The following RBFOX1 variants were observed in gnomAD, a reference collection of about 807,000 sequenced individuals.
RBFOX1 encodes the protein RNA binding fox-1 homolog 1, also known as RNA binding protein fox-1 homolog 1.
RBFOX1 carries 8 observed loss-of-function variants against 57.7 expected under a neutral mutation model. The observed-to-expected ratio is 0.14, with a 90% CI of 0.08 to 0.25. The LOEUF is 0.25. RBFOX1 is among the 10% of genes least tolerant of loss of function. RBFOX1 has a pLI of 1.00. For missense variants in RBFOX1, 611 were observed against 548.5 expected (o/e 1.11, Z -1.14); for synonymous variants, 326 against 222.4 (o/e 1.47, Z -4.15).
At chr16:5,392,815 A>C (rs1016106373) in intron 1 of RBFOX1, among the ~76,000 whole-genome samples, 6 of 152,160 alleles carry the variant, frequency 3.9e-5, no homozygotes, top group African/African-American at 1.4e-4. Flanking sequence ...CCCTGTGGGC[A>C]GCAGGAGCAC....
At chr16:6,817,532 T>TAAA (rs71145302) in intron 3 of RBFOX1, among the ~76,000 whole-genome samples, 1 of 127,586 alleles carries the variant, frequency 7.8e-6, no homozygotes, top group Non-Finnish European at 1.6e-5. Flanking sequence ...TTTCTTTGCT[T>TAAA]AAAAAAAAAA....
At chr16:6,289,776 A>G (rs979791503) in intron 1 of RBFOX1, among the ~76,000 whole-genome samples, 2 of 152,194 alleles carry the variant, frequency 1.3e-5, no homozygotes, top group African/African-American at 2.4e-5. Flanking sequence ...AAATAATGCA[A>G]ATGTCTTCTG....
intron 3 of RBFOX1, among the ~76,000 whole-genome samples, chr16:6,876,112 G>T (rs2061798588): frequency 6.6e-6 from 1 of 152,108 alleles, no homozygotes; most frequent in Non-Finnish European, 1.5e-5. Context: ...GAACCCCGGA[G>T]ATTGAGGCTG....
chr16:6,192,573 C>A (rs924317623), intron 1 of RBFOX1, among the ~76,000 whole-genome samples: 1 of 152,122 alleles, frequency 6.6e-6, no homozygotes, highest in African/African-American at 2.4e-5. Flanking sequence ...CACTAAGCAT[C>A]TTCTTATAAT....
intron 3 of RBFOX1, among the ~76,000 whole-genome samples, chr16:6,725,181 A>G (rs1047155984): frequency 4.9e-4 from 73 of 150,430 alleles, no homozygotes; most frequent in African/African-American, 1.6e-3. Context: ...CTCCCGAGTA[A>G]CTGGGACTGC....
chr16:5,323,494 A>G (rs2151255519), intron 1 of RBFOX1, among the ~76,000 whole-genome samples: 1 of 152,364 alleles, frequency 6.6e-6, no homozygotes, highest in African/African-American at 2.4e-5. Context: ...CTGGCCCTGC[A>G]TCAGCGGCCT....
chr16:6,302,741 C>A (rs1417745988), intron 1 of RBFOX1, among the ~76,000 whole-genome samples: 1 of 151,900 alleles, frequency 6.6e-6, no homozygotes, highest in Non-Finnish European at 1.5e-5. Flanking sequence ...AGACTGAGGC[C>A]CAGAGAGAGT....
chr16:7,217,033 C>A (rs1301298376), intron 4 of RBFOX1, among the ~76,000 whole-genome samples: 1 of 89,490 alleles, frequency 1.1e-5, no homozygotes, highest in Admixed American at 1.2e-4. Context: ...CCCTCCCTCC[C>A]TCCCTCCCTC....
chr16:6,914,969 CTAT>C (rs2072745090), intron 3 of RBFOX1, among the ~76,000 whole-genome samples: 1 of 152,196 alleles, frequency 6.6e-6, no homozygotes, highest in African/African-American at 2.4e-5. Flanking sequence ...TGCCTGCGTA[CTAT>C]TATTATTACA....
chr16:7,401,965 A>C (rs1331706327), intron 4 of RBFOX1, among the ~76,000 whole-genome samples: 1 of 152,220 alleles, frequency 6.6e-6, no homozygotes. Context: ...TGTTAATAAT[A>C]CATCAAGCAT....
intron 2 of RBFOX1, among the ~76,000 whole-genome samples, chr16:5,590,979 G>T (rs569000035): frequency 1.3e-5 from 2 of 151,658 alleles, no homozygotes; most frequent in African/African-American, 4.8e-5. Context: ...CGTCCAAAGC[G>T]ACCCCAAATT....
chr16:6,197,666 G>A (rs113912471), intron 1 of RBFOX1, among the ~76,000 whole-genome samples: 122 of 151,590 alleles, frequency 8.0e-4, no homozygotes, highest in Non-Finnish European at 1.6e-3. Context: ...TTAAGATTCA[G>A]GGGTTCATAT....
At chr16:6,206,874 C>G (rs2097258772) in intron 1 of RBFOX1, among the ~76,000 whole-genome samples, 1 of 152,072 alleles carries the variant, frequency 6.6e-6, no homozygotes, top group Admixed American at 6.6e-5. Flanking sequence ...ATTTTATCTC[C>G]CCTTTTCTGA....
chr16:5,576,365 C>G (rs1456458616), intron 2 of RBFOX1, among the ~76,000 whole-genome samples: 1 of 152,142 alleles, frequency 6.6e-6, no homozygotes, highest in East Asian at 1.9e-4. Flanking sequence ...CCTTCAGTCC[C>G]TCCCTACTTG....
intron 2 of RBFOX1, among the ~76,000 whole-genome samples, chr16:6,578,612 T>TGTGTGTGTGTGTGTGTGTGTGTGTGTGG (rs373655762): frequency 0.031 from 4,607 of 147,028 alleles, 183 homozygotes; most frequent in Non-Finnish European, 0.047. Flanking sequence ...TGTGTGTGTG[T>TGTGTGTGTGTGTGTGTGTGTGTGTGTGG]GAGCATGGGA....
intron 3 of RBFOX1, among the ~76,000 whole-genome samples, chr16:5,857,009 C>T (rs1313340689): frequency 6.6e-6 from 1 of 152,104 alleles, no homozygotes; most frequent in Non-Finnish European, 1.5e-5. Context: ...TTTGGCCTAT[C>T]TTTGCTTTTG....
chr16:6,763,309 A>C (rs1192644388), intron 3 of RBFOX1, among the ~76,000 whole-genome samples: 1 of 140,820 alleles, frequency 7.1e-6, no homozygotes, highest in Non-Finnish European at 1.5e-5. Context: ...AAAACCATTT[A>C]CCAGTATAGG....
intron 4 of RBFOX1, among the ~76,000 whole-genome samples, chr16:6,010,799 C>T (rs1032858141): frequency 6.6e-6 from 1 of 152,150 alleles, no homozygotes; most frequent in Non-Finnish European, 1.5e-5. Context: ...TTATATTGCC[C>T]TCATATTATC....
chr16:6,019,221 G>A lies in RBFOX1; in HGVS notation c.-898G>A. 1 of 985,194 alleles carries A rather than the reference G, an allele frequency of 1.0e-6. No homozygotes were observed. Among genetic ancestry groups the A allele is most frequent in the Non-Finnish European group, 1.2e-6 (1 of 830,004 alleles). The allele number at this position is 985,194 out of a possible 1,614,324, so 61.0% of individuals were successfully genotyped here. On this transcript the variant is annotated 5_prime_UTR_variant, in exon 1 of 16. Coordinates refer to ENST00000550418, the MANE Select transcript of RBFOX1 (RefSeq NM_018723.4). This position sits in a 1 kb window ranked among gnomAD's most constrained non-coding sequence, Gnocchi z 4.2. ...CCGCCCTCCTACAAGCGCTCTTGCT[G>A]GCCGTCTGGGTGCACACACCGCTCC... is the stretch of plus-strand genomic sequence containing the variant.
Sources: allele counts gnomAD v4.1 joint callset (sites outside exome capture counted in the v4.1 genomes callset), GRCh38; gene constraint gnomAD v4.1.1; non-coding constraint Gnocchi (gnomAD v3.1); transcripts MANE v1.5; gene names NCBI Gene and HGNC (gene_info 2026-07-23, HGNC 2026-07-21).